The following TUB variants were observed in gnomAD, a reference collection of about 807,000 sequenced individuals.
The protein encoded by TUB is tubby protein homolog.
In TUB, 33 loss-of-function variants were observed where a neutral mutation model predicts 59.7. That is an observed-to-expected ratio of 0.55 (90% CI 0.42 to 0.74). The LOEUF (loss-of-function observed/expected upper bound fraction) is 0.74, where lower values mean the gene tolerates loss of function less well. TUB is among the 30% of genes least tolerant of loss of function. TUB has a pLI of 0.00. For missense variants in TUB, 659 were observed against 672.0 expected (o/e 0.98, Z 0.21); for synonymous variants, 293 against 256.4 (o/e 1.14, Z -1.36).
In TUB at chr11:8,101,621, G is replaced by A. The variant is rs556263328; in HGVS notation, c.*2G>A. The A allele has an allele frequency of 1.7e-5, 28 of 1,614,176 alleles. No individual in the cohort carries two copies. The South Asian group carries it at 2.9e-4, about 16-fold the overall frequency. ...GACAGCAAGCTGGCGTGCGAGTAGA[G>A]GCCTCTTCGTGCCCTTTGGGGTTGC... On this transcript the variant is annotated 3_prime_UTR_variant, in exon 12 of 12. Transcript: ENST00000299506.
At chr11:8,035,084 G>A (rs1370958838), upstream of TUB, among the ~76,000 whole-genome samples, 1 of 152,210 alleles carries the variant, frequency 6.6e-6, no homozygotes, top group Non-Finnish European at 1.5e-5. Flanking sequence ...ACTAGGGTGA[G>A]GCTAGAAAGA....
At chr11:8,021,191 A>C in intron 1 of TUB, among the ~76,000 whole-genome samples, 1 of 152,210 alleles carries the variant, frequency 6.6e-6, no homozygotes, top group East Asian at 1.9e-4. Context: ...GGCCTGGCGC[A>C]GTGGCTCACA....
chr11:8,054,156 C>T (rs1177649291), intron 2 of TUB, among the ~76,000 whole-genome samples: 2 of 152,144 alleles, frequency 1.3e-5, no homozygotes, highest in Non-Finnish European at 2.9e-5. Flanking sequence ...CAAAATTCAT[C>T]TTGGTCTGGC....
chr11:8,049,561 G>GTGTATA (rs774091068), intron 2 of TUB, among the ~76,000 whole-genome samples: 1 of 124,260 alleles, frequency 8.0e-6, no homozygotes, highest in South Asian at 2.7e-4. Flanking sequence ...GTATTATGTG[G>GTGTATA]TATATATATA....
chr11:8,041,324 T>TC (rs1942747054), intron 2 of TUB, among the ~76,000 whole-genome samples: 1 of 152,082 alleles, frequency 6.6e-6, no homozygotes, highest in Admixed American at 6.6e-5. Context: ...GCATGATGTT[T>TC]CCCCCATGGT....
At chr11:8,020,666 T>A (rs577656046) in intron 1 of TUB, among the ~76,000 whole-genome samples, 53 of 152,342 alleles carry the variant, frequency 3.5e-4, no homozygotes, top group Non-Finnish European at 6.5e-4. Flanking sequence ...TAATTCTGTT[T>A]CTTCATCAGC....
At chr11:8,072,319 T>C (rs1311474650) in intron 2 of TUB, among the ~76,000 whole-genome samples, 1 of 151,958 alleles carries the variant, frequency 6.6e-6, no homozygotes, top group Non-Finnish European at 1.5e-5. Context: ...CTCCCTTCCT[T>C]CCCTTCCTCC....
At chr11:8,048,769 A>C (rs991305732) in intron 2 of TUB, among the ~76,000 whole-genome samples, 3 of 152,118 alleles carry the variant, frequency 2.0e-5, no homozygotes, top group Non-Finnish European at 4.4e-5. Context: ...GACTATTCAT[A>C]CTCAATATCA....
intron 1 of TUB, among the ~76,000 whole-genome samples, chr11:8,088,668 C>T (rs1033175193): frequency 1.3e-5 from 2 of 152,252 alleles, no homozygotes; most frequent in Non-Finnish European, 2.9e-5. Flanking sequence ...GCTCCAACCT[C>T]ACCTCATGCA....
chr11:8,082,802 C>CA (rs1240862608), intron 1 of TUB, among the ~76,000 whole-genome samples: 4 of 152,228 alleles, frequency 2.6e-5, no homozygotes, highest in African/African-American at 9.6e-5. Flanking sequence ...CCTGGGAACT[C>CA]AGGGTTTCTC....
chr11:8,022,843 G>A (rs1942449104), intron 1 of TUB, among the ~76,000 whole-genome samples: 1 of 152,138 alleles, frequency 6.6e-6, no homozygotes, highest in Non-Finnish European at 1.5e-5. Flanking sequence ...TCAGTGCAGT[G>A]GAGATCGTGC....
At chr11:8,100,730 G>C in intron 10 of TUB, 96 bp from the exon 11 acceptor site, 3 of 1,570,132 alleles carry the variant, frequency 1.9e-6, no homozygotes, top group Non-Finnish European at 2.6e-6. Flanking sequence ...GAGGTCTAGG[G>C]AAATCCAAGG....
At chr11:8,039,734 G>A in intron 2 of TUB, 2 of 1,473,810 alleles carry the variant, frequency 1.4e-6, no homozygotes, top group Non-Finnish European at 1.8e-6. Flanking sequence ...CTGGGAAAGG[G>A]CCAACCACAG....
intron 2 of TUB, chr11:8,067,875 C>A (rs562885986): frequency 2.0e-5 from 3 of 152,296 alleles, no homozygotes; most frequent in African/African-American, 7.2e-5. Flanking sequence ...CCTGCAGACG[C>A]TCAAACCTGG....
intron 2 of TUB, among the ~76,000 whole-genome samples, chr11:8,051,878 C>G (rs370451100): frequency 2.0e-5 from 3 of 152,184 alleles, no homozygotes; most frequent in Admixed American, 6.5e-5. Flanking sequence ...AGGGATATAG[C>G]TTTATTTGCC....
chr11:8,036,166 C>T (rs1036500225), upstream of TUB: 4 of 151,738 alleles, frequency 2.6e-5, no homozygotes, highest in Non-Finnish European at 5.9e-5. Flanking sequence ...CAGGCCTAGG[C>T]CAGCTGGTCA....
chr11:8,039,562 ACCAGGTGTGG>A, intron 1 of TUB: 1 of 1,261,726 alleles, frequency 7.9e-7, no homozygotes, highest in Non-Finnish European at 1.1e-6. Context: ...GCCTTGAGTG[ACCAGGTGTGG>A]CCAGGCAGCA....
Position 8,081,268 on chromosome 11 carries a change from C to A in TUB, c.-243C>A. ...GGTGCGGTCGGCCTCCCCGCCTCCA[C>A]GCGCGCGCACGACCCGCGCACTCCC... is the stretch of plus-strand genomic sequence containing the variant. On this transcript the variant is annotated 5_prime_UTR_variant, in exon 1 of 12. Coordinates refer to ENST00000299506, the MANE Select transcript of TUB (RefSeq NM_177972.3). 3 of 674,236 alleles carry A rather than the reference C, an allele frequency of 4.4e-6. No individual in the cohort carries two copies. The highest frequency in any genetic ancestry group is 5.5e-6 in the Non-Finnish European group (3 of 545,840). 41.8% of individuals were successfully genotyped at this position (674,236 alleles called of 1,614,324 possible).
intron 1 of TUB, among the ~76,000 whole-genome samples, chr11:8,031,952 G>A (rs368821979): frequency 1.4e-4 from 22 of 152,322 alleles, no homozygotes; most frequent in African/African-American, 5.1e-4. Flanking sequence ...CGTGTCCTTG[G>A]GCCAGTTCGG....
Sources: allele counts gnomAD v4.1 joint callset (sites outside exome capture counted in the v4.1 genomes callset), GRCh38; gene constraint gnomAD v4.1.1; transcripts MANE v1.5; gene names NCBI Gene and HGNC (gene_info 2026-07-23, HGNC 2026-07-21).